The following CLUAP1 variants were observed in gnomAD, a reference collection of about 807,000 sequenced individuals.
CLUAP1 encodes clusterin-associated protein 1.
CLUAP1 carries 50 observed loss-of-function variants against 55.0 expected under a neutral mutation model. That is an observed-to-expected ratio of 0.91 (90% CI 0.72 to 1.15). The LOEUF is 1.15. CLUAP1 is among the 50% of genes most tolerant of loss of function. The pLI is 0.00. For synonymous variants in CLUAP1, 195 were observed against 175.4 expected (o/e 1.11, Z -0.88); for missense variants, 530 against 507.6 (o/e 1.04, Z -0.42).
At chr16:3,520,471 T>C (rs548023403) in intron 7 of CLUAP1, among the ~76,000 whole-genome samples, 1 of 152,284 alleles carries the variant, frequency 6.6e-6, no homozygotes, top group African/African-American at 2.4e-5. Flanking sequence ...AAAAAAGCCT[T>C]ACATAAGGGT....
At chr16:3,515,759 AT>A (rs1203253115) in intron 6 of CLUAP1, among the ~76,000 whole-genome samples, 168 bp downstream of exon 6, 1 of 152,080 alleles carries the variant, frequency 6.6e-6, no homozygotes, top group African/African-American at 2.4e-5. Context: ...ACTTACTATC[AT>A]TTTTTTCCCC....
chr16:3,530,497 T>C, intron 9 of CLUAP1, 71 bp from the exon 10 acceptor site: 1 of 1,082,788 alleles, frequency 9.2e-7, no homozygotes, highest in Non-Finnish European at 1.4e-6. Context: ...CACACAGACC[T>C]TACTGGGCAG....
rs1489576139 is a variant in CLUAP1, at chr16:3,538,531, A to G, written c.*2260A>G. The G allele has an allele frequency of 2.0e-5, 3 of 152,256 alleles. No individual in the cohort carries two copies. The highest frequency in any genetic ancestry group is 2.0e-4 in the Admixed American group (3 of 15,290). 9.4% of individuals were successfully genotyped at this position (152,256 alleles called of 1,614,324 possible). On this transcript the variant is annotated 3_prime_UTR_variant, in exon 12 of 12. Transcript: ENST00000576634. ...GACTTGACTTCTGTTTTGAAAAAACATACGAATAGAGTTCTATTTTCCTTA... is the reference window on the plus strand; with the variant it reads ...GACTTGACTTCTGTTTTGAAAAAACGTACGAATAGAGTTCTATTTTCCTTA...
chr16:3,530,480 A>T, intron 9 of CLUAP1, 88 bp from the exon 10 acceptor site: 8 of 853,418 alleles, frequency 9.4e-6, no homozygotes, highest in Non-Finnish European at 1.6e-5. Flanking sequence ...TGAACAAATG[A>T]CTTTTGCACA....
Position 3,520,006 on chromosome 16 carries a change from G to T in CLUAP1, c.683G>T (p.Arg228Leu). ...AGAAAATTAGAACTGGAAAGAAATC[G>T]GAAGCGACTAGAGACTCTGCAGAGT... ...EKRKLELERN[R>L]KRLETLQSVR... The change falls in exon 7 of 12, where the codon CGG becomes CTG. Residue 228 changes from arginine to leucine, a missense_variant. By Grantham distance (102) the Arg-to-Leu change is moderately radical. Coordinates refer to ENST00000576634, the MANE Select transcript of CLUAP1 (RefSeq NM_015041.3). The T allele has an allele frequency of 6.2e-7, 1 of 1,613,396 alleles. No individual in the cohort carries two copies. The highest frequency in any genetic ancestry group is 1.3e-5 in the African/African-American group (1 of 74,942).
At chr16:3,497,962 A>T (rs184643047), upstream of CLUAP1, among the ~76,000 whole-genome samples, 14 of 152,116 alleles carry the variant, frequency 9.2e-5, no homozygotes, top group African/African-American at 3.1e-4. Flanking sequence ...CAGCCAAGAG[A>T]AGATTTATTA....
chr16:3,500,892 G>T (rs986089420), upstream of CLUAP1: 2 of 671,548 alleles, frequency 3.0e-6, no homozygotes, highest in Admixed American at 5.4e-5. Context: ...CTCTCTGCCG[G>T]CCCGCTCTCC....
At chr16:3,519,653 C>T (rs1358726369) in intron 6 of CLUAP1, among the ~76,000 whole-genome samples, 1 of 152,202 alleles carries the variant, frequency 6.6e-6, no homozygotes, top group Non-Finnish European at 1.5e-5. Flanking sequence ...TGCATCTTCA[C>T]TTCTTTCCCT....
intron 8 of CLUAP1, 82 bp from the exon 9 acceptor site, chr16:3,526,330 C>A: frequency 1.2e-6 from 1 of 832,934 alleles, no homozygotes; most frequent in Non-Finnish European, 1.7e-6. Flanking sequence ...ACAAACTTAG[C>A]AGTCCTTACA....
At chr16:3,499,296 G>A (rs1385555995), upstream of CLUAP1, among the ~76,000 whole-genome samples, 1 of 152,216 alleles carries the variant, frequency 6.6e-6, no homozygotes, top group Non-Finnish European at 1.5e-5. Context: ...AGTGAGCCGA[G>A]ATTGTGCCAC....
intron 4 of CLUAP1, among the ~76,000 whole-genome samples, chr16:3,510,554 C>T (rs1290382891): frequency 1.3e-5 from 2 of 152,156 alleles, no homozygotes; most frequent in Non-Finnish European, 2.9e-5. Flanking sequence ...AAGTCAGGTG[C>T]TACAGGCCGG....
intron 4 of CLUAP1, among the ~76,000 whole-genome samples, chr16:3,510,758 A>G (rs1172260762): frequency 6.6e-6 from 1 of 152,242 alleles, no homozygotes; most frequent in African/African-American, 2.4e-5. Context: ...TATATTAGAC[A>G]TCACTGCTCT....
At chr16:3,496,750 C>G, upstream of CLUAP1, 1 of 503,728 alleles carries the variant, frequency 2.0e-6, no homozygotes, top group Non-Finnish European at 3.9e-6. Context: ...GCCTACGGGC[C>G]AGCCGAGGCT....
In CLUAP1 at chr16:3,537,074, G is replaced by A. The variant is rs560593619; in HGVS notation, c.*803G>A. ...AGACTCCCATGGCAATGACAGCCGG[G>A]ACACTTTTCTTCCCTCCAGCCAGGG... On this transcript the variant is annotated 3_prime_UTR_variant, in exon 12 of 12. Coordinates refer to ENST00000576634, the MANE Select transcript of CLUAP1 (RefSeq NM_015041.3). 1 of 152,248 alleles carries A rather than the reference G, an allele frequency of 6.6e-6. No individual in the cohort carries two copies. Among genetic ancestry groups the A allele is most frequent in the Non-Finnish European group, 1.5e-5 (1 of 68,080 alleles). 9.4% of individuals were successfully genotyped at this position (152,248 alleles called of 1,614,324 possible). A position where few individuals can be genotyped will look rare whatever the true frequency, so the allele number is the denominator to read the frequency against.
chr16:3,495,449 A>T, the CLUAP1 span: 250 of 1,605,856 alleles, frequency 1.6e-4, 3 homozygotes, highest in East Asian at 5.6e-3. Flanking sequence ...GGGAGGAGCA[A>T]CCAGGACTTG....
chr16:3,495,497 AC>A, the CLUAP1 span: 1 of 1,567,344 alleles, frequency 6.4e-7, no homozygotes, highest in Non-Finnish European at 8.7e-7. Context: ...CCTAGGGGGT[AC>A]ATTGGCAGGT....
chr16:3,504,376 C>G (rs773783847), intron 1 of CLUAP1, among the ~76,000 whole-genome samples: 47 of 152,258 alleles, frequency 3.1e-4, no homozygotes, highest in Non-Finnish European at 5.1e-4. Context: ...TTTAAAAATA[C>G]TTTTTCTTCA....
intron 5 of CLUAP1, 73 bp downstream of exon 5, chr16:3,512,551 C>T: frequency 1.7e-6 from 2 of 1,163,896 alleles, no homozygotes; most frequent in Non-Finnish European, 2.6e-6. Flanking sequence ...CTGTTTCTCC[C>T]TTTTCAGTTC....
At chr16:3,506,300 C>T (rs1255765620) in intron 2 of CLUAP1, 31 bp from the exon 3 acceptor site, 2 of 1,563,398 alleles carry the variant, frequency 1.3e-6, no homozygotes, top group Non-Finnish European at 1.8e-6. Flanking sequence ...CTTGGTTAAC[C>T]CGTGCTCTCT....
Sources: gnomAD v4.1 joint callset for allele counts (sites outside exome capture counted in the v4.1 genomes callset) on GRCh38, gnomAD v4.1.1 for gene constraint, MANE v1.5 for transcripts, NCBI Gene and HGNC (gene_info 2026-07-23, HGNC 2026-07-21) for gene names.